Variants in EPHA2 observed in about 807,000 individuals in gnomAD.
EPHA2 encodes the protein EPH receptor A2.
EPHA2 carries 54 observed loss-of-function variants against 104.9 expected under a neutral mutation model. The ratio of observed to expected loss-of-function variants is 0.51; its 90% CI spans 0.41 to 0.65. EPHA2 has a LOEUF of 0.65. Ranked by LOEUF, EPHA2 falls within the 30% of genes least tolerant of loss-of-function variation. The probability of loss-of-function intolerance (pLI) is 0.00; values close to 1 mark genes in which losing one functional copy is unlikely to be tolerated. For missense variants in EPHA2, 1,117 were observed against 1,369.5 expected, an observed-to-expected ratio of 0.82 and a Z score of 2.91; for synonymous variants, 560 against 559.1, an observed-to-expected ratio of 1.00 and a Z score of -0.02.
chr1:16,129,395 G>A, intron 16 of EPHA2, 39 bp downstream of exon 16: 1 of 1,605,526 alleles, frequency 6.2e-7, no homozygotes, highest in Non-Finnish European at 8.5e-7. Context: ...TGGAGTGGGA[G>A]GCGGGAGGCG....
chr1:16,151,773 G>A (rs1411534535), intron 1 of EPHA2, among the ~76,000 whole-genome samples: 1 of 152,302 alleles, frequency 6.6e-6, no homozygotes, highest in Non-Finnish European at 1.5e-5. Flanking sequence ...GGTTCCTGGG[G>A]GATCAGGAAT....
intron 1 of EPHA2, chr1:16,153,031 G>A: frequency 1.3e-6 from 1 of 741,694 alleles, no homozygotes; most frequent in Non-Finnish European, 1.6e-6. Context: ...TGGGAGCCTG[G>A]GAGCCCCTCG....
chr1:16,126,323 C>A (rs2024466355), intron 16 of EPHA2, among the ~76,000 whole-genome samples: 1 of 152,208 alleles, frequency 6.6e-6, no homozygotes, highest in Non-Finnish European at 1.5e-5. Context: ...TAGCCCAAAC[C>A]CATGAAAACA....
At chr1:16,126,184 ACACG>A in intron 16 of EPHA2, among the ~76,000 whole-genome samples, 1 of 152,226 alleles carries the variant, frequency 6.6e-6, no homozygotes, top group South Asian at 2.1e-4. Context: ...CCCACAGGGT[ACACG>A]CTCTCCTGGG....
chr1:16,136,615 G>C (rs569709734), intron 5 of EPHA2, among the ~76,000 whole-genome samples: 1 of 141,140 alleles, frequency 7.1e-6, no homozygotes, highest in South Asian at 2.3e-4. Flanking sequence ...GCAAAACTCC[G>C]TCTCAAAAAA....
Position 16,148,368 on chromosome 1 carries a change from C to G in EPHA2, c.823+10G>C. Reference sequence around the variant, plus strand: ...AACCCCCTTCCCTGCAACCCAGAACCGTCACTCACCCTGGCAGGCATCCTC... The same window carrying G: ...AACCCCCTTCCCTGCAACCCAGAACGGTCACTCACCCTGGCAGGCATCCTC... On this transcript the variant is annotated intron_variant, in intron 3 of 16. Coordinates refer to ENST00000358432, the MANE Select transcript of EPHA2 (RefSeq NM_004431.5). This position sits in a 1 kb window ranked among gnomAD's most constrained non-coding sequence, Gnocchi z 4.9. The G allele has an allele frequency of 6.2e-7, 1 of 1,613,374 alleles. No individual in the cohort carries two copies. Among genetic ancestry groups the G allele is most frequent in the Non-Finnish European group, 8.5e-7 (1 of 1,180,016 alleles).
rs3768292 is a variant in EPHA2, at chr1:16,149,161, G to A, written c.154-114C>T. The A allele has an allele frequency of 3.5e-4, 418 of 1,195,530 alleles. 4 individuals carry two copies. The East Asian group carries it at 7.5e-3, about 21-fold the overall frequency. 74.1% of individuals were successfully genotyped at this position (1,195,530 alleles called of 1,614,324 possible). A position where few individuals can be genotyped will look rare whatever the true frequency, so the allele number is the denominator to read the frequency against. ...CCAGTTCGTGCTCTCCGGGTTCTAC[G>A]GTGAAGGAAACTGAGGCCTGAGGCG... On this transcript the variant is annotated intron_variant, in intron 2 of 16. Transcript: ENST00000358432.
Position 16,131,234 on chromosome 1 carries a change from G to T in EPHA2, c.2475+487C>A, listed in dbSNP as rs2024564232. Among the ~76,000 whole-genome samples the T allele has an allele frequency of 6.6e-6, 1 of 151,992 alleles. No homozygotes were observed. Among genetic ancestry groups the T allele is most frequent in the African/African-American group, 2.4e-5 (1 of 41,390 alleles). On this transcript the variant is annotated intron_variant, in intron 14 of 16. Coordinates refer to ENST00000358432, the MANE Select transcript of EPHA2 (RefSeq NM_004431.5). The surrounding 1 kb of genome is among the most constrained non-coding windows in gnomAD (Gnocchi z 5.2). ...TCCTTTTTTCATCTCTGCACTCTCT[G>T]AATCAGCTCCTGGAACCCAGCACAA...
In EPHA2 at chr1:16,131,688, C is replaced by G; in HGVS notation, c.2475+33G>C. ...ATGAGTAAAGGGCTTGAGTTCAGGT[C>G]CGGACAGGCCTGGGGAGGGCAAGGG... On this transcript the variant is annotated intron_variant, in intron 14 of 16. Transcript: ENST00000358432. The surrounding 1 kb of genome is among the most constrained non-coding windows in gnomAD (Gnocchi z 5.2). The G allele has an allele frequency of 6.2e-7, 1 of 1,613,560 alleles. No individual in the cohort carries two copies. The highest frequency in any genetic ancestry group is 8.5e-7 in the Non-Finnish European group (1 of 1,179,952).
chr1:16,151,583 C>T (rs1420608290), intron 1 of EPHA2, among the ~76,000 whole-genome samples: 1 of 152,106 alleles, frequency 6.6e-6, no homozygotes, highest in African/African-American at 2.4e-5. Flanking sequence ...AAGAGGGTAT[C>T]TGGAAACCGA....
chr1:16,137,760 C>G (rs1299300057), intron 5 of EPHA2, 93 bp downstream of exon 5: 1 of 1,485,696 alleles, frequency 6.7e-7, no homozygotes, highest in African/African-American at 1.4e-5. Context: ...TCTGCTGCCT[C>G]TCTCTAAACA....
chr1:16,153,264 C>T (rs746573793), intron 1 of EPHA2: 770 of 985,350 alleles, frequency 7.8e-4, no homozygotes, highest in Non-Finnish European at 9.0e-4. Flanking sequence ...TCCGGTCCTT[C>T]TCCGCAGCCT....
Position 16,148,250 on chromosome 1 carries a change from T to C in EPHA2, c.823+128A>G. The C allele has an allele frequency of 8.4e-7, 1 of 1,191,782 alleles. No homozygotes were observed. 73.8% of individuals were successfully genotyped at this position (1,191,782 alleles called of 1,614,324 possible). The stretch of plus-strand genomic sequence containing the variant: ...ACTGATGTCTGGGAAGGATCTATAA[T>C]TTCCACTAACAGAACTAATGTGTGT... On this transcript the variant is annotated intron_variant, in intron 3 of 16. Coordinates refer to ENST00000358432, the MANE Select transcript of EPHA2 (RefSeq NM_004431.5). The surrounding 1 kb of genome is among the most constrained non-coding windows in gnomAD (Gnocchi z 4.9).
rs2024429461 is a variant in EPHA2 at position 16,124,442 on chromosome 1, A to C, written c.*773T>G. The C allele has an allele frequency of 6.6e-6, 1 of 152,606 alleles. No individual in the cohort carries two copies. Among genetic ancestry groups the C allele is most frequent in the Admixed American group, 6.5e-5 (1 of 15,280 alleles). The allele number at this position is 152,606 out of a possible 1,614,324, so 9.5% of individuals were successfully genotyped here. ...TAAGATTCGAAAAAAATGTCCAACA[A>C]AACAAAATCTTTAACACTGACAGAA... On this transcript the variant is annotated 3_prime_UTR_variant, in exon 17 of 17. Coordinates refer to ENST00000358432, the MANE Select transcript of EPHA2 (RefSeq NM_004431.5).
intron 5 of EPHA2, among the ~76,000 whole-genome samples, chr1:16,137,588 ACT>A (rs2024737290): frequency 1.3e-5 from 2 of 152,068 alleles, no homozygotes; most frequent in Admixed American, 6.5e-5. Flanking sequence ...ACAGAGCGAG[ACT>A]CTGTCTCAAA....
intron 16 of EPHA2, 69 bp downstream of exon 16, chr1:16,129,365 G>C (rs981663395): frequency 1.7e-4 from 270 of 1,560,390 alleles, no homozygotes; most frequent in East Asian, 7.2e-4. Flanking sequence ...GAGGGCTGGG[G>C]GGGGCATGGA....
At chr1:16,137,324 C>T (rs1326917793) in intron 5 of EPHA2, among the ~76,000 whole-genome samples, 1 of 150,724 alleles carries the variant, frequency 6.6e-6, no homozygotes, top group South Asian at 2.1e-4. Flanking sequence ...GCAGGCTGGG[C>T]GCAGTGGCTC....
chr1:16,134,960 AC>A lies in EPHA2; in HGVS notation c.1582+75del. The A allele has an allele frequency of 6.3e-7, 1 of 1,588,958 alleles. No individual in the cohort carries two copies. Among genetic ancestry groups the A allele is most frequent in the Non-Finnish European group, 8.5e-7 (1 of 1,170,804 alleles). ...GGGGCATTTCTAAGTTATTTGATTC[AC>A]TTCCTTTCCCAAGATGTCTCAATTG... On this transcript the variant is annotated intron_variant, in intron 7 of 16. Transcript: ENST00000358432. This position sits in a 1 kb window ranked among gnomAD's most constrained non-coding sequence, Gnocchi z 4.5.
rs756136771 is a variant in EPHA2, at chr1:16,132,460, G to C, written c.2054-21C>G. The stretch of plus-strand genomic sequence containing the variant: ...CTTGTCTGTAGGGGGGTGGGCACAG[G>C]TGAGAGGTAAGTGGGCCCAGGCATG... On this transcript the variant is annotated intron_variant, in intron 11 of 16. Transcript: ENST00000358432. 2.5e-5 allele frequency: 40 copies of C among 1,613,288 alleles called. No individual in the cohort carries two copies. In the East Asian group the frequency reaches 5.3e-4, roughly 22 times the overall value.
Sources: gnomAD v4.1 joint callset for allele counts (sites outside exome capture counted in the v4.1 genomes callset) on GRCh38, gnomAD v4.1.1 for gene constraint, Gnocchi (gnomAD v3.1) non-coding constraint, MANE v1.5 for transcripts, NCBI Gene and HGNC (gene_info 2026-07-23, HGNC 2026-07-21) for gene names.